TOGARAM1: variants seen among roughly 807,000 people sequenced by gnomAD.
TOGARAM1 encodes the protein TOG array regulator of axonemal microtubules protein 1.
Under a neutral mutation model 166.6 loss-of-function variants are expected in TOGARAM1, and 100 were observed. The ratio of observed to expected loss-of-function variants is 0.60; its 90% CI spans 0.51 to 0.71. The LOEUF (loss-of-function observed/expected upper bound fraction) is 0.71. Among genes scored for constraint, TOGARAM1 ranks in the 30% least tolerant of loss-of-function variants. The pLI is 0.00. For synonymous variants in TOGARAM1, 758 were observed against 763.8 expected, an observed-to-expected ratio of 0.99 and a Z score of 0.13; for missense variants, 2,029 against 2,102.7, an observed-to-expected ratio of 0.96 and a Z score of 0.69.
At chr14:45,045,282 A>G (rs1881929800) in intron 13 of TOGARAM1, among the ~76,000 whole-genome samples, 1 of 151,666 alleles carries the variant, frequency 6.6e-6, no homozygotes, top group African/African-American at 2.4e-5. Context: ...TGAACATTGT[A>G]CCTAATGTGT....
chr14:45,044,294 G>GCCACCAC (rs1267614694), intron 12 of TOGARAM1, among the ~76,000 whole-genome samples: 1 of 152,128 alleles, frequency 6.6e-6, no homozygotes, highest in African/African-American at 2.4e-5. Flanking sequence ...ATAGGTGTAA[G>GCCACCAC]CCACCACGCC....
At chr14:44,966,191 G>C (rs1032670039) in intron 1 of TOGARAM1, among the ~76,000 whole-genome samples, 3 of 151,680 alleles carry the variant, frequency 2.0e-5, no homozygotes, top group Non-Finnish European at 4.4e-5. Context: ...AATTACAAAG[G>C]CCAGGCAGGG....
chr14:45,061,638 A>G (rs1429739169), intron 16 of TOGARAM1, among the ~76,000 whole-genome samples: 1 of 152,110 alleles, frequency 6.6e-6, no homozygotes, highest in Non-Finnish European at 1.5e-5. Flanking sequence ...TAAGATAATT[A>G]TATTTTTTGT....
chr14:45,073,369 C>G lies in TOGARAM1; in HGVS notation c.5130C>G (p.Leu1710=), dbSNP rs1167352718. 1.9e-6 allele frequency: 3 copies of G among 1,614,170 alleles called. No individual in the cohort carries two copies. Among genetic ancestry groups the G allele is most frequent in the African/African-American group, 1.3e-5 (1 of 75,046 alleles). The change falls in exon 20 of 20, where the codon CTC becomes CTG. Residue 1710 remains leucine, a synonymous_variant. Coordinates refer to ENST00000361462, the MANE Select transcript of TOGARAM1 (RefSeq NM_001308120.2). ...AAGTGTTGGTTGTTTTATGGCATCT[C>G]TTAGGAAATATGACAAATAGTGGCT... The part of the protein sequence containing the change: ...EQKVLVVLWH[L]LGNMTNSGSL...
chr14:45,036,130 TAAAA>T (rs770145117), intron 11 of TOGARAM1, among the ~76,000 whole-genome samples: 2,429 of 28,832 alleles, frequency 0.084, 68 homozygotes, highest in African/African-American at 0.2. Flanking sequence ...ACCTTGTCTC[TAAAA>T]AAAAAAAAAA....
At chr14:44,989,786 T>C (rs1887032241) in intron 1 of TOGARAM1, among the ~76,000 whole-genome samples, 1 of 152,200 alleles carries the variant, frequency 6.6e-6, no homozygotes, top group Admixed American at 6.5e-5. Context: ...TAATAGTCCA[T>C]TCTTACACTG....
chr14:44,965,043 A>T lies in TOGARAM1; in HGVS notation c.2046+576A>T, dbSNP rs138249766. Among the ~76,000 whole-genome samples the T allele has an allele frequency of 6.0e-3, 913 of 151,884 alleles. 4 individuals carry two copies. Among genetic ancestry groups the T allele is most frequent in the Middle Eastern group, 0.034 (10 of 292 alleles). On this transcript the variant is annotated intron_variant, in intron 1 of 19. Transcript: ENST00000361462. ...GATTTTCCCCCCAAAGCTTTTATTT[A>T]AAAAATTCCAAATCTATAGGTAAGA...
At chr14:45,070,400 A>T (rs1384465505) in intron 18 of TOGARAM1, among the ~76,000 whole-genome samples, 1 of 152,178 alleles carries the variant, frequency 6.6e-6, no homozygotes, top group Non-Finnish European at 1.5e-5. Flanking sequence ...GACATGATAA[A>T]TTTGAATTGC....
At chr14:44,999,552 T>C in intron 3 of TOGARAM1, 55 bp downstream of exon 3, 1 of 1,424,644 alleles carries the variant, frequency 7.0e-7, no homozygotes. Flanking sequence ...TATGTGGGGA[T>C]TCCAACACTA....
chr14:44,966,832 G>A (rs1365006744), intron 1 of TOGARAM1, among the ~76,000 whole-genome samples: 2 of 152,148 alleles, frequency 1.3e-5, no homozygotes, highest in South Asian at 2.1e-4. Flanking sequence ...GTGCAGGCCT[G>A]TAGTCCCAGC....
intron 7 of TOGARAM1, among the ~76,000 whole-genome samples, chr14:45,016,165 G>T (rs999727356): frequency 1.2e-4 from 19 of 152,136 alleles, no homozygotes; most frequent in African/African-American, 3.9e-4. Flanking sequence ...GTAGGCTGAG[G>T]TAGGCAGATC....
intron 14 of TOGARAM1, among the ~76,000 whole-genome samples, chr14:45,051,678 G>A (rs558464244): frequency 4.2e-4 from 63 of 148,894 alleles, no homozygotes; most frequent in Admixed American, 1.2e-3. Context: ...TCCTGCCTCA[G>A]TCTCCTGAAT....
chr14:45,025,550 C>G, intron 7 of TOGARAM1: 1 of 342,232 alleles, frequency 2.9e-6, no homozygotes, highest in Non-Finnish European at 5.2e-6. Context: ...GGCGACAGAG[C>G]GAGACTCCAT....
intron 1 of TOGARAM1, among the ~76,000 whole-genome samples, chr14:44,970,638 T>C (rs1408222590): frequency 6.6e-6 from 1 of 152,204 alleles, no homozygotes; most frequent in Non-Finnish European, 1.5e-5. Flanking sequence ...GGGAAAGTTT[T>C]GAGTTTCTCA....
intron 16 of TOGARAM1, among the ~76,000 whole-genome samples, chr14:45,057,157 A>G (rs944066311): frequency 5.3e-5 from 8 of 152,002 alleles, no homozygotes; most frequent in Non-Finnish European, 1.2e-4. Context: ...GTCTCTGATG[A>G]TCCCTTGTTT....
At chr14:44,982,062 T>C (rs750840157) in intron 1 of TOGARAM1, among the ~76,000 whole-genome samples, 11 of 152,018 alleles carry the variant, frequency 7.2e-5, no homozygotes, top group Admixed American at 6.6e-4. Flanking sequence ...AGGCTGGTCT[T>C]GAACTCCTGG....
chr14:44,987,753 G>A (rs555957779), intron 1 of TOGARAM1, among the ~76,000 whole-genome samples: 20 of 149,502 alleles, frequency 1.3e-4, no homozygotes, highest in Admixed American at 4.7e-4. Context: ...TCCCATTACT[G>A]GGTATATACC....
intron 1 of TOGARAM1, among the ~76,000 whole-genome samples, chr14:44,984,216 A>G (rs550405419): frequency 4.6e-5 from 7 of 152,262 alleles, no homozygotes; most frequent in African/African-American, 9.6e-5. Flanking sequence ...GAGAATATCC[A>G]TATCTTTTAG....
chr14:45,070,395 G>A (rs978645987), intron 18 of TOGARAM1, among the ~76,000 whole-genome samples: 1 of 152,176 alleles, frequency 6.6e-6, no homozygotes. Context: ...GTCATGACAT[G>A]ATAAATTTGA....
Sources: gnomAD v4.1 joint callset for allele counts (sites outside exome capture counted in the v4.1 genomes callset) on GRCh38, gnomAD v4.1.1 for gene constraint, MANE v1.5 for transcripts, NCBI Gene and HGNC (gene_info 2026-07-23, HGNC 2026-07-21) for gene names.